NLGN1: variants seen among roughly 807,000 people sequenced by gnomAD.
NLGN1 encodes the protein neuroligin 1.
In NLGN1, 12 loss-of-function variants were observed where a neutral mutation model predicts 65.5. The ratio of observed to expected loss-of-function variants is 0.18; its 90% CI spans 0.12 to 0.30. The LOEUF is 0.30. Ranked by LOEUF, NLGN1 falls within the 10% of genes least tolerant of loss-of-function variation. NLGN1 has a pLI of 1.00. For synonymous variants in NLGN1, 350 were observed against 359.5 expected, an observed-to-expected ratio of 0.97 and a Z score of 0.30; for missense variants, 750 against 1,007.1, an observed-to-expected ratio of 0.74 and a Z score of 3.46.
chr3:173,573,867 TC>T (rs1745045977), intron 2 of NLGN1, among the ~76,000 whole-genome samples: 1 of 151,392 alleles, frequency 6.6e-6, no homozygotes, highest in Admixed American at 6.6e-5. Context: ...ATCAAGACCA[TC>T]CTGGCTAACA....
intron 4 of NLGN1, among the ~76,000 whole-genome samples, chr3:173,840,903 C>T (rs1318785601): frequency 6.6e-6 from 1 of 152,046 alleles, no homozygotes; most frequent in Admixed American, 6.6e-5. Flanking sequence ...ATACCCTAAC[C>T]CACACGTTAA....
intron 4 of NLGN1, among the ~76,000 whole-genome samples, chr3:174,025,985 C>T (rs1728752728): frequency 6.6e-6 from 1 of 152,000 alleles, no homozygotes; most frequent in Admixed American, 6.6e-5. Flanking sequence ...GTTTTTTTGT[C>T]AGATATAGTT....
chr3:173,565,374 G>A (rs1363577564), intron 2 of NLGN1, among the ~76,000 whole-genome samples: 1 of 152,188 alleles, frequency 6.6e-6, no homozygotes, highest in Non-Finnish European at 1.5e-5. Flanking sequence ...TAGAACAGAA[G>A]TGACCGGGAT....
chr3:174,202,375 C>T (rs9880810), intron 4 of NLGN1, among the ~76,000 whole-genome samples: 31,638 of 151,862 alleles, frequency 0.21, 3,732 homozygotes, highest in African/African-American at 0.31. Flanking sequence ...CACACAATGG[C>T]CTTTCTGTCT....
intron 2 of NLGN1, among the ~76,000 whole-genome samples, chr3:173,503,437 C>G (rs1731486733): frequency 6.6e-6 from 1 of 152,046 alleles, no homozygotes; most frequent in Non-Finnish European, 1.5e-5. Flanking sequence ...AAACACTGAA[C>G]AGCATGAGAT....
At chr3:173,755,690 T>C (rs1776994338) in intron 3 of NLGN1, among the ~76,000 whole-genome samples, 1 of 152,024 alleles carries the variant, frequency 6.6e-6, no homozygotes, top group African/African-American at 2.4e-5. Flanking sequence ...GACTAATTAA[T>C]AATTAAGGAG....
chr3:173,541,152 C>A (rs1374156107), intron 2 of NLGN1, among the ~76,000 whole-genome samples: 1 of 152,040 alleles, frequency 6.6e-6, no homozygotes, highest in Non-Finnish European at 1.5e-5. Context: ...ACAGCTTGTA[C>A]ACAATAAAGA....
chr3:173,908,830 A>T (rs546199044), intron 4 of NLGN1, among the ~76,000 whole-genome samples: 53 of 152,316 alleles, frequency 3.5e-4, no homozygotes, highest in Non-Finnish European at 6.5e-4. Context: ...TTTCATTTTG[A>T]ATTCTGTTAA....
chr3:173,690,682 AG>A (rs1447325234), intron 3 of NLGN1, among the ~76,000 whole-genome samples: 2 of 152,206 alleles, frequency 1.3e-5, no homozygotes, highest in Non-Finnish European at 2.9e-5. Context: ...TCTGTAATCA[AG>A]TTAATGAAGA....
intron 4 of NLGN1, among the ~76,000 whole-genome samples, chr3:173,845,873 T>G (rs13089671): frequency 0.16 from 24,306 of 152,106 alleles, 2,258 homozygotes; most frequent in East Asian, 0.32. Flanking sequence ...TTAAAATTTT[T>G]TTCGATATCA....
intron 4 of NLGN1, among the ~76,000 whole-genome samples, chr3:174,175,978 G>C (rs1729376643): frequency 1.3e-5 from 2 of 151,722 alleles, no homozygotes; most frequent in Admixed American, 1.3e-4. Context: ...TCACCACAAA[G>C]AGCATATGTT....
intron 2 of NLGN1, among the ~76,000 whole-genome samples, chr3:173,475,882 A>G (rs1726113323): frequency 6.6e-6 from 1 of 152,212 alleles, no homozygotes; most frequent in South Asian, 2.1e-4. Flanking sequence ...AATTGGGTCT[A>G]TTAATTGGGT....
intron 4 of NLGN1, among the ~76,000 whole-genome samples, chr3:174,225,698 T>A (rs997809694): frequency 6.6e-6 from 1 of 150,704 alleles, no homozygotes; most frequent in Non-Finnish European, 1.5e-5. Context: ...GCCACTGCAC[T>A]CCAGCCTGGG....
At chr3:173,612,056 T>C (rs538687417) in intron 3 of NLGN1, among the ~76,000 whole-genome samples, 1 of 152,198 alleles carries the variant, frequency 6.6e-6, no homozygotes, top group South Asian at 2.1e-4. Flanking sequence ...TTGTAGATAA[T>C]ATTCTGGTCT....
Position 173,931,301 on chromosome 3 carries a change from T to A in NLGN1, c.646+123469T>A, listed in dbSNP as rs531017196. Among the ~76,000 whole-genome samples the A allele has an allele frequency of 2.0e-5, 3 of 152,094 alleles. No homozygotes were observed. In the East Asian group the frequency reaches 5.8e-4, roughly 29 times the overall value. On this transcript the variant is annotated intron_variant, in intron 4 of 6. Transcript: ENST00000457714. ...AGCTAACATCATAAATATATAAAAATTAAAATGTTAGTGGGTGAGAAGTGC... is the reference window on the plus strand; with the variant it reads ...AGCTAACATCATAAATATATAAAAAATAAAATGTTAGTGGGTGAGAAGTGC...
chr3:173,717,374 A>G (rs1335246200), intron 3 of NLGN1, among the ~76,000 whole-genome samples: 4 of 152,166 alleles, frequency 2.6e-5, no homozygotes, highest in Non-Finnish European at 4.4e-5. Flanking sequence ...CATTTTTTAC[A>G]AAAGAAATGT....
At chr3:174,153,733 C>T (rs1325435070) in intron 4 of NLGN1, among the ~76,000 whole-genome samples, 1 of 151,992 alleles carries the variant, frequency 6.6e-6, no homozygotes, top group East Asian at 1.9e-4. Context: ...TGGCTCACAT[C>T]CATAATCCCA....
At chr3:173,942,698 A>G (rs1249915646) in intron 4 of NLGN1, among the ~76,000 whole-genome samples, 1 of 152,140 alleles carries the variant, frequency 6.6e-6, no homozygotes, top group East Asian at 1.9e-4. Flanking sequence ...GAAAAGTTGT[A>G]TTTGTTATCC....
intron 3 of NLGN1, among the ~76,000 whole-genome samples, chr3:173,723,572 C>A (rs1347959241): frequency 6.6e-6 from 1 of 152,030 alleles, no homozygotes; most frequent in Non-Finnish European, 1.5e-5. Context: ...GAAGTGATGA[C>A]CAAGTTTGTT....
Sources: gnomAD v4.1 joint callset for allele counts (sites outside exome capture counted in the v4.1 genomes callset) on GRCh38, gnomAD v4.1.1 for gene constraint, MANE v1.5 for transcripts, NCBI Gene and HGNC (gene_info 2026-07-23, HGNC 2026-07-21) for gene names.